The following RPGRIP1L variants were observed in gnomAD, a reference collection of about 807,000 sequenced individuals.
The protein encoded by RPGRIP1L is RPGRIP1 like.
RPGRIP1L carries 131 observed loss-of-function variants against 160.4 expected under a neutral mutation model. The ratio of observed to expected loss-of-function variants is 0.82; its 90% confidence interval spans 0.71 to 0.94. The LOEUF (loss-of-function observed/expected upper bound fraction) is 0.94, where lower values mean the gene tolerates loss of function less well. Among genes scored for constraint, RPGRIP1L ranks in the 40% least tolerant of loss-of-function variants. RPGRIP1L has a pLI of 0.00. For synonymous variants in RPGRIP1L, 510 were observed against 515.8 expected, an observed-to-expected ratio of 0.99 and a Z score of 0.15; for missense variants, 1,522 against 1,535.8, an observed-to-expected ratio of 0.99 and a Z score of 0.15.
At chr16:53,671,382 T>C (rs375441703) in intron 9 of RPGRIP1L, 128 bp downstream of exon 9, 2 of 669,742 alleles carry the variant, frequency 3.0e-6, no homozygotes, top group East Asian at 5.4e-5. Context: ...TTTATACAGT[T>C]TGCATATTTC....
intron 6 of RPGRIP1L, among the ~76,000 whole-genome samples, chr16:53,677,438 AT>A (rs916988610): frequency 1.4e-4 from 21 of 151,290 alleles, no homozygotes; most frequent in Non-Finnish European, 2.7e-4. Context: ...TTATGACTTT[AT>A]TTTTTTTTCA....
Position 53,622,279 on chromosome 16 carries a change from G to A in RPGRIP1L, c.3372C>T (p.Ser1124=), listed in dbSNP as rs146902870. The A allele has an allele frequency of 2.1e-3, 1,403 of 654,884 alleles. 13 individuals are homozygous for A. The African/African-American group carries it at 0.021, about 10-fold the overall frequency. 40.6% of individuals were successfully genotyped at this position (654,884 alleles called of 1,614,324 possible). The change falls in exon 23 of 27, where the codon AGC becomes AGT. Residue 1124 remains serine, a synonymous_variant. Transcript: ENST00000647211. ...AHCNFRLPGS[S]DFPASASQVD... is the part of the protein sequence containing the mutation. ...CTTGGGAGGCTGAGGCAGGAAAATC[G>A]CTGGAACCCGGGAGGCGGAAGTTGC...
Position 53,652,748 on chromosome 16 carries a change from C to G in RPGRIP1L, c.1939G>C (p.Val647Leu). 6.2e-7 allele frequency: 1 copy of G among 1,614,040 alleles called. No individual in the cohort carries two copies. The highest frequency in any genetic ancestry group is 8.5e-7 in the Non-Finnish European group (1 of 1,179,976). The change falls in exon 15 of 27, where the codon GTA becomes CTA. Residue 647 changes from valine (V) to leucine (L), a missense_variant. Val to Leu is a conservative substitution (Grantham distance 32). Coordinates refer to ENST00000647211, the MANE Select transcript of RPGRIP1L (RefSeq NM_015272.5). ...FYDFELQTTP[V>L]VRGLHPEYNF... ...TATTCGGGATGAAGGCCTCGCACTA[C>G]GGGAGTTGTCTGTAGTTCAAAATCA...
In RPGRIP1L at chr16:53,601,336, ATAAC is replaced by A. The variant is rs1230235404; in HGVS notation, c.*736_*739del. On this transcript the variant is annotated 3_prime_UTR_variant, in exon 27 of 27. Transcript: ENST00000647211. ...ACGTGTAAATTTCACATCTATCTAT[ATAAC>A]TATCTCCTTTTTATATATACATCCC... The A allele has an allele frequency of 6.6e-6, 1 of 152,374 alleles. No homozygotes were observed. The highest frequency in any genetic ancestry group is 2.4e-5 in the African/African-American group (1 of 41,466). 9.4% of individuals were successfully genotyped at this position (152,374 alleles called of 1,614,324 possible).
At chr16:53,641,817 T>C (rs1966241495) in intron 17 of RPGRIP1L, among the ~76,000 whole-genome samples, 1 of 152,218 alleles carries the variant, frequency 6.6e-6, no homozygotes, top group Admixed American at 6.5e-5. Context: ...TTCAGAATTC[T>C]TAGCCTTCCT....
At chr16:53,701,966 A>G (rs940281640) in intron 1 of RPGRIP1L, 1 of 152,198 alleles carries the variant, frequency 6.6e-6, no homozygotes, top group Non-Finnish European at 1.5e-5. Flanking sequence ...TTCTTTTGGA[A>G]GTACTCCTAT....
rs969617857 is a variant in RPGRIP1L, at chr16:53,637,694, C to T, written c.3220+1G>A. On this transcript the variant is annotated splice_donor_variant, in intron 21 of 26. Coordinates refer to ENST00000647211, the MANE Select transcript of RPGRIP1L (RefSeq NM_015272.5). LOFTEE classifies it high-confidence loss of function. ...AATGTTAGTTTAAATAAGAAAGTCA[C>T]CTTCTGGTTCCAAGTCCTCTGTTAT... The T allele has an allele frequency of 3.1e-6, 5 of 1,607,128 alleles. No individual in the cohort carries two copies. The African/African-American group carries it at 4.0e-5, about 13-fold the overall frequency.
intron 17 of RPGRIP1L, 122 bp downstream of exon 17, chr16:53,645,503 C>A: frequency 1.2e-6 from 1 of 822,944 alleles, no homozygotes. Context: ...GTAATATAGG[C>A]CTAAAGTTTA....
chr16:53,677,755 T>C (rs1183830138), intron 6 of RPGRIP1L, among the ~76,000 whole-genome samples: 2 of 152,202 alleles, frequency 1.3e-5, no homozygotes, highest in East Asian at 3.9e-4. Context: ...GTCCTAGACC[T>C]CTGTGCTTGT....
At chr16:53,684,825 G>A (rs1969879317) in intron 6 of RPGRIP1L, among the ~76,000 whole-genome samples, 1 of 151,396 alleles carries the variant, frequency 6.6e-6, no homozygotes, top group Admixed American at 6.6e-5. Context: ...CAACGAAGAT[G>A]CCAAAAGCAA....
rs1967525793 is a variant in RPGRIP1L, at chr16:53,658,972, T to G, written c.1244-94A>C. 14 of 860,650 alleles carry G rather than the reference T, an allele frequency of 1.6e-5. No homozygotes were observed. The South Asian group carries it at 1.9e-4, about 12-fold the overall frequency. 53.3% of individuals were successfully genotyped at this position (860,650 alleles called of 1,614,324 possible). On this transcript the variant is annotated intron_variant, in intron 10 of 26. Transcript: ENST00000647211. The stretch of plus-strand genomic sequence containing the variant: ...CTTTAATTCCTGTTCCACACCAGTC[T>G]TGATCTAGTATTGTTCTGGTCAGAA...
intron 23 of RPGRIP1L, among the ~76,000 whole-genome samples, chr16:53,621,782 G>A (rs1964729282): frequency 6.6e-6 from 1 of 151,856 alleles, no homozygotes. Flanking sequence ...CAGCACTTTG[G>A]GAGGCTGAGG....
At chr16:53,638,062 T>C (rs975599188) in intron 20 of RPGRIP1L, among the ~76,000 whole-genome samples, 4 of 151,994 alleles carry the variant, frequency 2.6e-5, no homozygotes, top group African/African-American at 7.3e-5. Flanking sequence ...GTACTAAGAA[T>C]AAAAAATGTA....
Position 53,615,468 on chromosome 16 carries a change from A to ATTTTT in RPGRIP1L, c.3616+3556_3616+3557insAAAAA, listed in dbSNP as rs1441369433. Among the ~76,000 whole-genome samples the ATTTTT allele has an allele frequency of 2.8e-3, 197 of 69,806 alleles. 3 individuals carry two copies. The highest frequency in any genetic ancestry group is 3.6e-3 in the African/African-American group (57 of 15,888). The allele number at this position is 69,806 out of a possible 152,430, so 45.8% of individuals were successfully genotyped here. A position where few individuals can be genotyped will look rare whatever the true frequency, so the allele number is the denominator to read the frequency against. On this transcript the variant is annotated intron_variant, in intron 24 of 26. Coordinates refer to ENST00000647211, the MANE Select transcript of RPGRIP1L (RefSeq NM_015272.5). ...TTTCTAAGAATATATATATATATAT[A>ATTTTT]TATATTTTTTTTTTTTTTTTTTTGA... is the stretch of plus-strand genomic sequence containing the variant.
chr16:53,638,269 C>G (rs375794046), intron 20 of RPGRIP1L, 41 bp downstream of exon 20: 2 of 1,178,320 alleles, frequency 1.7e-6, no homozygotes, highest in Admixed American at 1.7e-5. Context: ...ATTTAAGAAC[C>G]AAATTAAACC....
rs1294170274 is a variant in RPGRIP1L at position 53,695,033 on chromosome 16, T to C, written c.230+1118A>G. On this transcript the variant is annotated intron_variant, in intron 3 of 26. Coordinates refer to ENST00000647211, the MANE Select transcript of RPGRIP1L (RefSeq NM_015272.5). The stretch of plus-strand genomic sequence containing the variant: ...GATAACAGAATGCATACATACAACT[T>C]GATTCCTAGCTCAGTCCTTTTCCCA... 4 of 334,242 alleles carry C rather than the reference T, an allele frequency of 1.2e-5. No homozygotes were observed. The Admixed American group carries it at 1.4e-4, about 11-fold the overall frequency. The allele number at this position is 334,242 out of a possible 1,614,324, so 20.7% of individuals were successfully genotyped here.
intron 8 of RPGRIP1L, 118 bp downstream of exon 8, chr16:53,672,752 A>T: frequency 1.1e-6 from 1 of 885,674 alleles, no homozygotes; most frequent in Non-Finnish European, 1.8e-6. Context: ...TCAAAACACC[A>T]TGTACATAAC....
chr16:53,695,291 C>A, intron 3 of RPGRIP1L: 2 of 694,274 alleles, frequency 2.9e-6, no homozygotes, highest in Non-Finnish European at 5.2e-6. Flanking sequence ...AAACAGCCAT[C>A]ATCATGACTA....
At chr16:53,673,111 T>G in intron 7 of RPGRIP1L, 95 bp from the exon 8 acceptor site, 1 of 1,211,216 alleles carries the variant, frequency 8.3e-7, no homozygotes, top group African/African-American at 1.5e-5. Context: ...ATTCTATAAA[T>G]GAATTTACTC....
Sources: allele counts gnomAD v4.1 joint callset (sites outside exome capture counted in the v4.1 genomes callset), GRCh38; gene constraint gnomAD v4.1.1; transcripts MANE v1.5; gene names NCBI Gene and HGNC (gene_info 2026-07-23, HGNC 2026-07-21).